The following INTS1 variants were observed in gnomAD, a reference collection of about 807,000 sequenced individuals.
INTS1 encodes integrator complex subunit 1.
INTS1 carries 137 observed loss-of-function variants against 241.6 expected under a neutral mutation model. The ratio of observed to expected loss-of-function variants is 0.57; its 90% CI spans 0.49 to 0.65. INTS1 has a LOEUF of 0.65. Among genes scored for constraint, INTS1 ranks in the 30% least tolerant of loss-of-function variants. The probability of loss-of-function intolerance (pLI) is 0.00; values close to 1 mark genes in which losing one functional copy is unlikely to be tolerated. For missense variants in INTS1, 3,073 were observed against 3,032.2 expected, an observed-to-expected ratio of 1.01 and a Z score of -0.32; for synonymous variants, 1,692 against 1,337.8, an observed-to-expected ratio of 1.26 and a Z score of -5.78.
chr7:1,488,090 A>C lies in INTS1; in HGVS notation c.2319-133T>G, dbSNP rs148816147. 900 of 937,822 alleles carry C rather than the reference A, an allele frequency of 9.6e-4. 8 individuals carry two copies. The African/African-American group carries it at 0.013, about 14-fold the overall frequency. 58.1% of individuals were successfully genotyped at this position (937,822 alleles called of 1,614,324 possible). On this transcript the variant is annotated intron_variant, in intron 18 of 47. Transcript: ENST00000404767. The stretch of plus-strand genomic sequence containing the variant: ...TCTGCTGCACAGCAGTCAGGAGCAC[A>C]GGGCGCCCGGTAGCATCCATGGGGC...
At position 1,471,240 on chromosome 7, in the gene INTS1, G is replaced by T. The variant is rs1335878966; in HGVS notation, c.6256-16C>A. 6.4e-7 allele frequency: 1 copy of T among 1,562,874 alleles called. No homozygotes were observed. The highest frequency in any genetic ancestry group is 1.2e-5 in the South Asian group (1 of 84,860). On this transcript the variant is annotated splice_polypyrimidine_tract_variant and intron_variant, in intron 45 of 47. Coordinates refer to ENST00000404767, the MANE Select transcript of INTS1 (RefSeq NM_001080453.3). Reference sequence around the variant, plus strand: ...GCAGGTTGGTCTGACCGGGGGAAAGGTGGGAGGTGTGTGACCAAGGGGTCC... The same window carrying T: ...GCAGGTTGGTCTGACCGGGGGAAAGTTGGGAGGTGTGTGACCAAGGGGTCC...
intron 2 of INTS1, 48 bp downstream of exon 2, chr7:1,503,855 A>AAGTCCCCCC: frequency 1.5e-6 from 2 of 1,320,632 alleles, no homozygotes; most frequent in Non-Finnish European, 2.1e-6. Context: ...AAAGACCCCC[A>AAGTCCCCCC]AAGACCCCCA....
At position 1,498,445 on chromosome 7, in the gene INTS1, G is replaced by A. The variant is rs201662739; in HGVS notation, c.1392C>T (p.Thr464=). The part of the protein sequence containing the change: ...RNPNNMQVLY[T]ALQHSSELAP... ...CCAGCTCTGAGCTGTGCTGCAGTGCGGTATAGAGGACCTGCATGTTGTTCG... is the reference window on the plus strand; with the variant it reads ...CCAGCTCTGAGCTGTGCTGCAGTGCAGTATAGAGGACCTGCATGTTGTTCG... The change falls in exon 10 of 48, where the codon ACC becomes ACT. Residue 464 remains threonine (T), a synonymous_variant. Transcript: ENST00000404767. 1,345 of 1,613,862 alleles carry A rather than the reference G, an allele frequency of 8.3e-4. 2 individuals are homozygous for A. Among genetic ancestry groups the A allele is most frequent in the Non-Finnish European group, 1.1e-3 (1,260 of 1,179,866 alleles).
chr7:1,483,732 G>A lies in INTS1; in HGVS notation c.3541+10C>T. 1.2e-6 allele frequency: 2 copies of A among 1,606,324 alleles called. No homozygotes were observed. The highest frequency in any genetic ancestry group is 2.2e-5 in the South Asian group (2 of 91,010). On this transcript the variant is annotated intron_variant, in intron 26 of 47. Transcript: ENST00000404767. ...CGAAGCTGCCCCTCCCGGGGCCTGT[G>A]GCGGCTCACCTCGAGGCGGGCCCAG...
chr7:1,480,300 T>C lies in INTS1; in HGVS notation c.4074+17A>G. ...GAGGGGCTGCAGGTGGAGACCCACATGCAGCAGCAACGCTACCTGGAGGAA... is the reference window on the plus strand; with the variant it reads ...GAGGGGCTGCAGGTGGAGACCCACACGCAGCAGCAACGCTACCTGGAGGAA... On this transcript the variant is annotated intron_variant, in intron 30 of 47. Transcript: ENST00000404767. The C allele has an allele frequency of 1.9e-6, 3 of 1,593,244 alleles. No individual in the cohort carries two copies. Among genetic ancestry groups the C allele is most frequent in the Non-Finnish European group, 2.6e-6 (3 of 1,167,818 alleles).
intron 22 of INTS1, 75 bp from the exon 23 acceptor site, chr7:1,485,544 C>T (rs772283736): frequency 9.2e-5 from 134 of 1,462,466 alleles, no homozygotes; most frequent in African/African-American, 3.1e-4. Flanking sequence ...CGGGAGCACA[C>T]GCATGGTGCC....
intron 16 of INTS1, among the ~76,000 whole-genome samples, 185 bp from the exon 17 acceptor site, chr7:1,489,867 G>A (rs557232966): frequency 7.2e-5 from 11 of 152,278 alleles, no homozygotes; most frequent in Non-Finnish European, 1.0e-4. Flanking sequence ...GTCCAGGCCC[G>A]ACTCCGGCTC....
In INTS1 at chr7:1,500,024, G is replaced by C; in HGVS notation, c.547-3C>G. The C allele has an allele frequency of 6.2e-7, 1 of 1,612,808 alleles. No individual in the cohort carries two copies. Among genetic ancestry groups the C allele is most frequent in the Non-Finnish European group, 8.5e-7 (1 of 1,179,622 alleles). On this transcript the variant is annotated splice_region_variant and splice_polypyrimidine_tract_variant and intron_variant, in intron 4 of 47. Coordinates refer to ENST00000404767, the MANE Select transcript of INTS1 (RefSeq NM_001080453.3). Reference sequence around the variant, plus strand: ...CGCCGCAGGAGGCTACACAGAGCCTGCCAGGGAGGGCGCATGTCACGTGGG... The same window carrying C: ...CGCCGCAGGAGGCTACACAGAGCCTCCCAGGGAGGGCGCATGTCACGTGGG...
At chr7:1,490,526 C>T (rs1014933753) in intron 16 of INTS1, among the ~76,000 whole-genome samples, 1 of 152,154 alleles carries the variant, frequency 6.6e-6, no homozygotes, top group African/African-American at 2.4e-5. Flanking sequence ...TAAACGGGAA[C>T]CCTTGAAAGG....
intron 25 of INTS1, 40 bp from the exon 26 acceptor site, chr7:1,483,893 G>A: frequency 6.3e-7 from 1 of 1,594,206 alleles, no homozygotes; most frequent in Non-Finnish European, 8.6e-7. Flanking sequence ...AAGGTTCAGG[G>A]ACCCTGAGCC....
At chr7:1,498,343 C>T (rs1264745212) in intron 10 of INTS1, 69 bp downstream of exon 10, 3 of 1,584,908 alleles carry the variant, frequency 1.9e-6, no homozygotes, top group Non-Finnish European at 1.7e-6. Flanking sequence ...TCCCCAGACG[C>T]CACGTGCCCC....
At position 1,497,404 on chromosome 7, in the gene INTS1, C is replaced by A; in HGVS notation, c.1426-90G>T. On this transcript the variant is annotated intron_variant, in intron 10 of 47. Transcript: ENST00000404767. The surrounding 1 kb of genome is among the most constrained non-coding windows in gnomAD (Gnocchi z 5.3). ...CCGCAGCACCAACAGGTATGGCGCC[C>A]GAGGGCGCTGCAGTGGGTCTCAGAC... 7.2e-7 allele frequency: 1 copy of A among 1,384,134 alleles called. No homozygotes were observed. Among genetic ancestry groups the A allele is most frequent in the Non-Finnish European group, 9.7e-7 (1 of 1,029,840 alleles). 85.7% of individuals were successfully genotyped at this position (1,384,134 alleles called of 1,614,324 possible).
chr7:1,487,956 T>C lies in INTS1; in HGVS notation c.2320A>G (p.Asn774Asp). 6.2e-7 allele frequency: 1 copy of C among 1,613,010 alleles called. No individual in the cohort carries two copies. The change falls in exon 19 of 48, where the codon AAC (asparagine) becomes GAC (aspartate). Residue 774 changes from asparagine to aspartate, a missense_variant and splice_region_variant. Physicochemically the swap from Asn to Asp is conservative, Grantham distance 23 (BLOSUM62 1). Coordinates refer to ENST00000404767, the MANE Select transcript of INTS1 (RefSeq NM_001080453.3). ...KMLMEMVMTN[N>D]YSYPPCTLTD... ...AGGGTGCACGGTGGGTAGGAGTAGT[T>C]GCTAGGGCCAGACGGGGGAGCGTGT...
At chr7:1,487,508 C>T in intron 19 of INTS1, 59 bp from the exon 20 acceptor site, 1 of 1,557,020 alleles carries the variant, frequency 6.4e-7, no homozygotes, top group Admixed American at 1.9e-5. Context: ...CCCCCAGAAC[C>T]CCTCCTCCTC....
rs750864856 is a variant in INTS1, at chr7:1,476,514, C to G, written c.5151+56G>C. On this transcript the variant is annotated intron_variant, in intron 37 of 47. Coordinates refer to ENST00000404767, the MANE Select transcript of INTS1 (RefSeq NM_001080453.3). The stretch of plus-strand genomic sequence containing the variant: ...CACCGCCTCTCCCGGATGGGCCACC[C>G]CCTCTCCCGGATGGGCCACCCCCTC... 1.1e-5 allele frequency: 17 copies of G among 1,601,958 alleles called. No homozygotes were observed. The South Asian group carries it at 1.8e-4, about 17-fold the overall frequency.
rs1237075766 is a variant in INTS1, at chr7:1,487,045, G to A, written c.2703C>T (p.Ser901=). 1.2e-5 allele frequency: 19 copies of A among 1,578,876 alleles called. No individual in the cohort carries two copies. Among genetic ancestry groups the A allele is most frequent in the Non-Finnish European group, 1.5e-5 (17 of 1,166,584 alleles). Residue 901 remains serine (S), a synonymous_variant, in exon 21 of 48, where the codon TCC becomes TCT. Coordinates refer to ENST00000404767, the MANE Select transcript of INTS1 (RefSeq NM_001080453.3). The part of the protein sequence containing the change: ...LADLVQSSEG[S]LDVLPVQCLC... ...GACACTGCACGGGCAGCACGTCCAG[G>A]GAGCCCTCGCTGGACTGTACCAGGT...
In INTS1 at chr7:1,481,391, C is replaced by T. The variant is rs755139712; in HGVS notation, c.3801G>A (p.Gln1267=). The T allele has an allele frequency of 1.2e-6, 2 of 1,612,936 alleles. No homozygotes were observed. Among genetic ancestry groups the T allele is most frequent in the African/African-American group, 1.3e-5 (1 of 74,936 alleles). ...SMSKLLQFLD[Q]AVAHDPQTLE... Reference sequence around the variant, plus strand: ...GAGTCTGGGGGTCGTGGGCCACTGCCTGGTCCAGGAACTGGAGGAGTTTGC... The same window carrying T: ...GAGTCTGGGGGTCGTGGGCCACTGCTTGGTCCAGGAACTGGAGGAGTTTGC... Residue 1267 remains glutamine, a synonymous_variant, in exon 28 of 48, where the codon CAG becomes CAA. Transcript: ENST00000404767. This position sits in a 1 kb window ranked among gnomAD's most constrained non-coding sequence, Gnocchi z 6.8.
At chr7:1,492,892 C>G in intron 16 of INTS1, 118 bp downstream of exon 16, 2 of 524,760 alleles carry the variant, frequency 3.8e-6, no homozygotes, top group Middle Eastern at 5.3e-4. Flanking sequence ...GAGTGGGGAG[C>G]GGGGCGCAGG....
In INTS1 at chr7:1,478,855, A is replaced by G; in HGVS notation, c.4360T>C (p.Ser1454Pro). 6.2e-7 allele frequency: 1 copy of G among 1,610,654 alleles called. No homozygotes were observed. Among genetic ancestry groups the G allele is most frequent in the East Asian group, 2.2e-5 (1 of 44,808 alleles). ...TGCAGGAGCACCTTCAGGAAGAGCG[A>G]GGAGAAGCCGGTGTCCTGTGGCACA... The part of the protein sequence containing the change: ...RCVPQDTGFS[S>P]LFLKVLLQML... Residue 1454 changes from serine (S) to proline (P), a missense_variant, in exon 32 of 48, where the codon TCG (serine) becomes CCG (proline). Ser to Pro is a moderately conservative substitution (Grantham distance 74). Coordinates refer to ENST00000404767, the MANE Select transcript of INTS1 (RefSeq NM_001080453.3).
Sources: gnomAD v4.1 joint callset for allele counts (sites outside exome capture counted in the v4.1 genomes callset) on GRCh38, gnomAD v4.1.1 for gene constraint, Gnocchi (gnomAD v3.1) non-coding constraint, MANE v1.5 for transcripts, NCBI Gene and HGNC (gene_info 2026-07-23, HGNC 2026-07-21) for gene names.